Variants in SAMD7 observed in about 807,000 individuals in gnomAD.
SAMD7 encodes the protein sterile alpha motif domain-containing protein 7.
A neutral mutation model predicts 36.7 loss-of-function variants in SAMD7; 34 were observed. The ratio of observed to expected loss-of-function variants is 0.93; its 90% confidence interval spans 0.71 to 1.23. The LOEUF (loss-of-function observed/expected upper bound fraction) is 1.23. Among genes scored for constraint, SAMD7 ranks in the 50% most tolerant of loss-of-function variants. SAMD7 has a pLI of 0.00. For missense variants in SAMD7, 570 were observed against 546.6 expected, an observed-to-expected ratio of 1.04 and a Z score of -0.43; for synonymous variants, 188 against 189.7, an observed-to-expected ratio of 0.99 and a Z score of 0.07.
intron 6 of SAMD7, among the ~76,000 whole-genome samples, chr3:169,927,494 A>G (rs957140821): frequency 2.0e-5 from 3 of 151,338 alleles, no homozygotes; most frequent in Non-Finnish European, 2.9e-5. Flanking sequence ...CCGGGGTTTC[A>G]CCATGTTGGC....
chr3:169,926,401 C>A (rs1373000571), intron 5 of SAMD7, 152 bp from the exon 6 acceptor site: 1 of 1,156,274 alleles, frequency 8.6e-7, no homozygotes, highest in Non-Finnish European at 1.2e-6. Flanking sequence ...TCAAAACTCT[C>A]CTTCCCAGTG....
chr3:169,936,847 C>T (rs1219714336), intron 8 of SAMD7, among the ~76,000 whole-genome samples: 2 of 151,844 alleles, frequency 1.3e-5, no homozygotes, highest in Admixed American at 6.6e-5. Flanking sequence ...CTCCTCGCTC[C>T]GGGCCCATGA....
intron 2 of SAMD7, among the ~76,000 whole-genome samples, chr3:169,916,208 G>A (rs571969529): frequency 1.8e-3 from 280 of 152,334 alleles, no homozygotes; most frequent in African/African-American, 6.4e-3. Context: ...TCTCTGAGGT[G>A]TCTAAAATAG....
At position 169,938,555 on chromosome 3, in the gene SAMD7, A is replaced by T. The variant is rs1232941272; in HGVS notation, c.*49A>T. The stretch of plus-strand genomic sequence containing the variant: ...TCTTAGCCAGTTTTCCAAAGAGCCT[A>T]GGATATTACAAAGGATGTGTGAGGA... On this transcript the variant is annotated 3_prime_UTR_variant, in exon 9 of 9. Transcript: ENST00000335556. 1 of 1,187,724 alleles carries T rather than the reference A, an allele frequency of 8.4e-7. No homozygotes were observed. The highest frequency in any genetic ancestry group is 2.2e-5 in the Admixed American group (1 of 46,306). The allele number at this position is 1,187,724 out of a possible 1,614,324, so 73.6% of individuals were successfully genotyped here. A position where few individuals can be genotyped will look rare whatever the true frequency, so the allele number is the denominator to read the frequency against.
At chr3:169,927,451 C>T (rs772946960) in intron 6 of SAMD7, among the ~76,000 whole-genome samples, 1 of 151,916 alleles carries the variant, frequency 6.6e-6, no homozygotes, top group Non-Finnish European at 1.5e-5. Flanking sequence ...CATGCTGCCA[C>T]GCCCGGCTAA....
chr3:169,927,913 A>G (rs1367188097), intron 6 of SAMD7, among the ~76,000 whole-genome samples: 2 of 152,200 alleles, frequency 1.3e-5, no homozygotes, highest in Non-Finnish European at 2.9e-5. Flanking sequence ...TCAGTGTCCA[A>G]TACTGTTGAT....
intron 7 of SAMD7, among the ~76,000 whole-genome samples, chr3:169,934,196 G>A (rs769036021): frequency 1.7e-4 from 26 of 152,162 alleles, no homozygotes; most frequent in Non-Finnish European, 3.1e-4. Context: ...GGCATGGTTA[G>A]CTTTATATTG....
At chr3:169,926,422 G>C (rs187335082) in intron 5 of SAMD7, 131 bp from the exon 6 acceptor site, 1 of 1,176,388 alleles carries the variant, frequency 8.5e-7, no homozygotes, top group Non-Finnish European at 1.2e-6. Flanking sequence ...GCTTTGTGGG[G>C]GATTCATGTT....
At chr3:169,927,465 T>G (rs1713325001) in intron 6 of SAMD7, among the ~76,000 whole-genome samples, 1 of 151,952 alleles carries the variant, frequency 6.6e-6, no homozygotes, top group Admixed American at 6.6e-5. Flanking sequence ...CGGCTAATTT[T>G]TTTGTATTTT....
intron 2 of SAMD7, among the ~76,000 whole-genome samples, chr3:169,918,864 G>A (rs530086065): frequency 4.6e-5 from 7 of 152,126 alleles, no homozygotes; most frequent in Non-Finnish European, 7.3e-5. Context: ...AAGGAAGTTG[G>A]GGCCAGGCAC....
chr3:169,926,981 C>A lies in SAMD7; in HGVS notation c.719C>A (p.Thr240Lys), dbSNP rs1359148924. The A allele has an allele frequency of 1.2e-6, 2 of 1,613,872 alleles. No individual in the cohort carries two copies. Among genetic ancestry groups the A allele is most frequent in the South Asian group, 1.1e-5 (1 of 91,078 alleles). Residue 240 changes from threonine (T) to lysine (K), a missense_variant, in exon 6 of 9, where the codon ACG (threonine) becomes AAG (lysine). By Grantham distance (78) the Thr-to-Lys change is moderately conservative (BLOSUM62 -1). Transcript: ENST00000335556. ...EAPSNQKSSE[T>K]NEKPTTALAN... is the part of the protein sequence containing the mutation. ...CCCAGCAACCAGAAGTCAAGTGAAA[C>A]GAATGAAAAGCCAACGACAGCTCTT...
intron 1 of SAMD7, among the ~76,000 whole-genome samples, chr3:169,914,445 G>A (rs1473514150): frequency 6.6e-6 from 1 of 152,172 alleles, no homozygotes; most frequent in Non-Finnish European, 1.5e-5. Flanking sequence ...GCCAAGTGGA[G>A]CCCAGAACTG....
intron 7 of SAMD7, chr3:169,932,233 G>T: frequency 4.7e-6 from 4 of 850,128 alleles, no homozygotes; most frequent in Non-Finnish European, 7.8e-6. Context: ...TCCCCAGGAA[G>T]TGTACTGTGA....
intron 1 of SAMD7, among the ~76,000 whole-genome samples, chr3:169,914,365 C>T (rs1463860667): frequency 1.3e-5 from 2 of 152,174 alleles, no homozygotes; most frequent in East Asian, 3.8e-4. Flanking sequence ...ATTTGGGCAT[C>T]AGTCGATATG....
At chr3:169,929,698 T>C (rs1273309272) in intron 7 of SAMD7, among the ~76,000 whole-genome samples, 3 of 152,218 alleles carry the variant, frequency 2.0e-5, no homozygotes, top group Non-Finnish European at 4.4e-5. Context: ...CAGAGGATTT[T>C]TGTGAGCATT....
At chr3:169,914,661 G>T (rs995743854) in intron 1 of SAMD7, among the ~76,000 whole-genome samples, 1 of 152,142 alleles carries the variant, frequency 6.6e-6, no homozygotes, top group Non-Finnish European at 1.5e-5. Context: ...AACAGATGTG[G>T]TACCAAGGAT....
At position 169,938,767 on chromosome 3, in the gene SAMD7, G is replaced by C. The variant is rs755885989; in HGVS notation, c.*261G>C. On this transcript the variant is annotated 3_prime_UTR_variant, in exon 9 of 9. Coordinates refer to ENST00000335556, the MANE Select transcript of SAMD7 (RefSeq NM_001304366.2). ...ACAAACATCAAGAAAGCTGCAGATGGATGTTTCCATGAAGAAATCTCTGAA... is the reference window on the plus strand; with the variant it reads ...ACAAACATCAAGAAAGCTGCAGATGCATGTTTCCATGAAGAAATCTCTGAA... 44 of 324,952 alleles carry C rather than the reference G, an allele frequency of 1.4e-4. No individual in the cohort carries two copies. Among genetic ancestry groups the C allele is most frequent in the Non-Finnish European group, 2.2e-4 (39 of 180,572 alleles). 20.1% of individuals were successfully genotyped at this position (324,952 alleles called of 1,614,324 possible). A position where few individuals can be genotyped will look rare whatever the true frequency, so the allele number is the denominator to read the frequency against.
At chr3:169,913,336 A>G (rs1284079924) in intron 1 of SAMD7, among the ~76,000 whole-genome samples, 1 of 152,240 alleles carries the variant, frequency 6.6e-6, no homozygotes, top group African/African-American at 2.4e-5. Flanking sequence ...AGTATAGCCA[A>G]TAACAGACAA....
In SAMD7 at chr3:169,923,571, G is replaced by A. The variant is rs1189980286; in HGVS notation, c.212-1487G>A. Among the ~76,000 whole-genome samples the A allele has an allele frequency of 1.4e-4, 22 of 152,210 alleles. No individual in the cohort carries two copies. The East Asian group carries it at 2.9e-3, about 20-fold the overall frequency. On this transcript the variant is annotated intron_variant, in intron 4 of 8. Coordinates refer to ENST00000335556, the MANE Select transcript of SAMD7 (RefSeq NM_001304366.2). ...ATCCTGGTCAACATGGTGAAACGCC[G>A]TCTCTACTAAAAATATGAAAATTAG...
Sources: gnomAD v4.1 joint callset for allele counts (sites outside exome capture counted in the v4.1 genomes callset) on GRCh38, gnomAD v4.1.1 for gene constraint, MANE v1.5 for transcripts, NCBI Gene and HGNC (gene_info 2026-07-23, HGNC 2026-07-21) for gene names.